Variants in YWHAB observed in about 807,000 individuals in gnomAD.
YWHAB encodes 14-3-3 protein beta/alpha.
YWHAB carries 2 observed loss-of-function variants against 28.5 expected under a neutral mutation model. The observed-to-expected ratio is 0.07, with a 90% CI of 0.03 to 0.22. The LOEUF (loss-of-function observed/expected upper bound fraction) is 0.22. Among genes scored for constraint, YWHAB ranks in the 10% least tolerant of loss-of-function variants. The pLI is 1.00. For missense variants in YWHAB, 148 were observed against 297.1 expected (o/e 0.50, Z 3.69); for synonymous variants, 103 against 104.7 (o/e 0.98, Z 0.10).
At chr20:44,895,886 AG>A (rs748995420) in intron 1 of YWHAB, among the ~76,000 whole-genome samples, 5 of 152,242 alleles carry the variant, frequency 3.3e-5, no homozygotes, top group African/African-American at 4.8e-5. Context: ...ATTTGAGAAA[AG>A]GGAGAACTCT....
chr20:44,889,776 C>A (rs1339895275), intron 1 of YWHAB, among the ~76,000 whole-genome samples: 1 of 152,036 alleles, frequency 6.6e-6, no homozygotes, highest in Non-Finnish European at 1.5e-5. Context: ...GCTTAATAGG[C>A]CAGTTTTAAA....
At chr20:44,891,732 C>T (rs189896391) in intron 1 of YWHAB, among the ~76,000 whole-genome samples, 34 of 152,276 alleles carry the variant, frequency 2.2e-4, no homozygotes, top group Admixed American at 1.9e-3. Context: ...TGATATGCAA[C>T]AGCTGATGTG....
chr20:44,906,446 C>G lies in YWHAB; in HGVS notation c.*8C>G, dbSNP rs771219211. 6.3e-7 allele frequency: 1 copy of G among 1,589,330 alleles called. No homozygotes were observed. Among genetic ancestry groups the G allele is most frequent in the Non-Finnish European group, 8.6e-7 (1 of 1,167,624 alleles). ...GGGGAGGGAGAGAACTAATGTTTCT[C>G]GTGCTTTGTGATCTGTTCAGTGTCA... On this transcript the variant is annotated 3_prime_UTR_variant, in exon 6 of 6. Coordinates refer to ENST00000353703, the MANE Select transcript of YWHAB (RefSeq NM_139323.4).
At chr20:44,894,702 T>A (rs1490125192) in intron 1 of YWHAB, among the ~76,000 whole-genome samples, 2 of 152,214 alleles carry the variant, frequency 1.3e-5, no homozygotes, top group African/African-American at 4.8e-5. Context: ...CAAGGAAGAT[T>A]TCCACATTTA....
chr20:44,889,477 T>TTA (rs397866308), intron 1 of YWHAB, among the ~76,000 whole-genome samples: 26 of 151,848 alleles, frequency 1.7e-4, no homozygotes, highest in African/African-American at 6.3e-4. Context: ...TTTTTTTTTT[T>TTA]AAATTCTGGC....
chr20:44,906,568 C>G lies in YWHAB; in HGVS notation c.*130C>G. Reference sequence around the variant, plus strand: ...ACTTTCGATTTTTCACAGCCTCAGCCTAGGAAAAATGGTTCATGGGATAAA... The same window carrying G: ...ACTTTCGATTTTTCACAGCCTCAGCGTAGGAAAAATGGTTCATGGGATAAA... On this transcript the variant is annotated 3_prime_UTR_variant, in exon 6 of 6. Coordinates refer to ENST00000353703, the MANE Select transcript of YWHAB (RefSeq NM_139323.4). 1 of 777,888 alleles carries G rather than the reference C, an allele frequency of 1.3e-6. No homozygotes were observed. Among genetic ancestry groups the G allele is most frequent in the Non-Finnish European group, 1.9e-6 (1 of 524,658 alleles). 48.2% of individuals were successfully genotyped at this position (777,888 alleles called of 1,614,324 possible).
chr20:44,900,976 G>C (rs901765992), intron 1 of YWHAB, among the ~76,000 whole-genome samples: 3 of 152,110 alleles, frequency 2.0e-5, no homozygotes, highest in African/African-American at 7.2e-5. Context: ...GGGTTTCACT[G>C]TGTTGGTCAG....
Position 44,907,390 on chromosome 20 carries a change from CT to C in YWHAB, c.*953del, listed in dbSNP as rs2066664382. 1 of 152,134 alleles carries C rather than the reference CT, an allele frequency of 6.6e-6. No individual in the cohort carries two copies. Among genetic ancestry groups the C allele is most frequent in the Non-Finnish European group, 1.5e-5 (1 of 68,066 alleles). The allele number at this position is 152,134 out of a possible 1,614,324, so 9.4% of individuals were successfully genotyped here. On this transcript the variant is annotated 3_prime_UTR_variant, in exon 6 of 6. Transcript: ENST00000353703. The stretch of plus-strand genomic sequence containing the variant: ...CCCAGGAGTTTAAAGCTGCAGTGCC[CT>C]GTGGTTGCACCTGTGAATAACTGCA...
intron 1 of YWHAB, chr20:44,887,054 C>G (rs964756999): frequency 3.9e-5 from 6 of 152,184 alleles, no homozygotes. Flanking sequence ...GACACAGATG[C>G]AGTTTGTAGA....
At chr20:44,900,547 G>T (rs1297887031) in intron 1 of YWHAB, among the ~76,000 whole-genome samples, 1 of 152,106 alleles carries the variant, frequency 6.6e-6, no homozygotes, top group African/African-American at 2.4e-5. Flanking sequence ...CTGCTTGATG[G>T]GTGCAGCCAA....
At chr20:44,894,599 A>T (rs2066584790) in intron 1 of YWHAB, among the ~76,000 whole-genome samples, 1 of 152,264 alleles carries the variant, frequency 6.6e-6, no homozygotes, top group Admixed American at 6.5e-5. Flanking sequence ...TTTAAAAAGA[A>T]AATTCAAGCT....
chr20:44,905,946 G>A, intron 4 of YWHAB, 55 bp from the exon 5 acceptor site: 3 of 1,469,874 alleles, frequency 2.0e-6, no homozygotes, highest in Non-Finnish European at 2.8e-6. Context: ...AAAAAAGTGG[G>A]CTAAACTAGC....
intron 1 of YWHAB, chr20:44,886,507 GTT>G (rs2066528763): frequency 6.6e-6 from 1 of 152,226 alleles, no homozygotes; most frequent in Non-Finnish European, 1.5e-5. Context: ...AAGAAAATCT[GTT>G]TGTTGGAGCC....
At chr20:44,903,970 T>A (rs2066641792) in intron 2 of YWHAB, 23 bp from the exon 3 acceptor site, 2 of 1,592,542 alleles carry the variant, frequency 1.3e-6, no homozygotes, top group East Asian at 2.3e-5. Context: ...AATTCTAAAT[T>A]CTTAACAATG....
intron 1 of YWHAB, among the ~76,000 whole-genome samples, chr20:44,889,068 C>CTT (rs2066544768): frequency 6.6e-6 from 1 of 152,144 alleles, no homozygotes; most frequent in Non-Finnish European, 1.5e-5. Context: ...TGTAGAGATA[C>CTT]TTTTAAGTTC....
chr20:44,886,488 G>A (rs1392924306), intron 1 of YWHAB: 1 of 152,226 alleles, frequency 6.6e-6, no homozygotes, highest in South Asian at 2.1e-4. Flanking sequence ...AGGGAATTGG[G>A]TTTGAATCAA....
At chr20:44,892,001 G>A (rs1009610855) in intron 1 of YWHAB, among the ~76,000 whole-genome samples, 1 of 152,140 alleles carries the variant, frequency 6.6e-6, no homozygotes, top group Admixed American at 6.5e-5. Flanking sequence ...AACTTTTTCT[G>A]GGTAACACCC....
intron 1 of YWHAB, among the ~76,000 whole-genome samples, chr20:44,897,129 T>C (rs1470783690): frequency 1.3e-5 from 2 of 152,180 alleles, no homozygotes; most frequent in African/African-American, 4.8e-5. Context: ...TCCCACTGAA[T>C]AGTCCAGATT....
Position 44,885,797 on chromosome 20 carries a change from C to T in YWHAB, c.-93C>T, listed in dbSNP as rs1459703407. 4.1e-5 allele frequency: 7 copies of T among 172,514 alleles called. No homozygotes were observed. Among genetic ancestry groups the T allele is most frequent in the Non-Finnish European group, 2.4e-5 (2 of 82,076 alleles). The allele number at this position is 172,514 out of a possible 1,614,324, so 10.7% of individuals were successfully genotyped here. A position where few individuals can be genotyped will look rare whatever the true frequency, so the allele number is the denominator to read the frequency against. On this transcript the variant is annotated 5_prime_UTR_variant, in exon 1 of 6. Transcript: ENST00000353703. ...CTGCAGCCACTGCAGGCACCGCTGC[C>T]GCCGCCTGAGTAGTGGGCTTAGGAA...
Sources: allele counts gnomAD v4.1 joint callset (sites outside exome capture counted in the v4.1 genomes callset), GRCh38; gene constraint gnomAD v4.1.1; transcripts MANE v1.5; gene names NCBI Gene and HGNC (gene_info 2026-07-23, HGNC 2026-07-21).